FRMPD4: variants seen among roughly 807,000 people sequenced by gnomAD.
FRMPD4 encodes the protein FERM and PDZ domain-containing protein 4.
In FRMPD4, 22 loss-of-function variants were observed where a neutral mutation model predicts 94.1. The ratio of observed to expected loss-of-function variants is 0.23; its 90% CI spans 0.17 to 0.33. FRMPD4 has a LOEUF of 0.33. FRMPD4 is among the 10% of genes least tolerant of loss of function. FRMPD4 has a pLI of 1.00. For synonymous variants in FRMPD4, 631 were observed against 548.6 expected (o/e 1.15, Z -2.10); for missense variants, 1,111 against 1,339.9 (o/e 0.83, Z 2.67).
At chrX:12,415,832 T>A (rs1467584585) in intron 1 of FRMPD4, among the ~76,000 whole-genome samples, 1 of 112,441 alleles carries the variant, frequency 8.9e-6, no homozygotes, top group Admixed American at 9.4e-5. Flanking sequence ...CTTTGAAATA[T>A]GTTTCTAACA....
chrX:12,627,974 CA>C (rs1017983676), intron 4 of FRMPD4, among the ~76,000 whole-genome samples: 4 of 109,215 alleles, frequency 3.7e-5, no homozygotes, highest in South Asian at 7.8e-4. Flanking sequence ...GATGAAAAGA[CA>C]AAAAAAAATC....
intron 1 of FRMPD4, among the ~76,000 whole-genome samples, chrX:12,442,357 G>A (rs1268118312): frequency 9.0e-6 from 1 of 110,734 alleles, no homozygotes; most frequent in Admixed American, 9.7e-5. Context: ...AGACAAGGTG[G>A]TCTTAGGTGA....
chrX:12,401,122 G>A (rs979712641), intron 1 of FRMPD4, among the ~76,000 whole-genome samples: 2 of 111,320 alleles, frequency 1.8e-5, no homozygotes, highest in African/African-American at 6.5e-5. Context: ...TTATTATTGA[G>A]GGAAAAAGTG....
chrX:12,675,382 G>A (rs1340232699), intron 5 of FRMPD4, among the ~76,000 whole-genome samples: 1 of 105,837 alleles, frequency 9.4e-6, no homozygotes, highest in East Asian at 3.1e-4. Context: ...TCATGGTTAG[G>A]AGGGTGGAAA....
intron 3 of FRMPD4, among the ~76,000 whole-genome samples, chrX:12,109,118 A>G (rs763450415): frequency 2.0e-4 from 22 of 112,059 alleles, no homozygotes; most frequent in African/African-American, 4.9e-4. Context: ...AACAGAATAT[A>G]TATTCCTCTC....
At chrX:12,323,672 G>A (rs1170685085) in intron 1 of FRMPD4, among the ~76,000 whole-genome samples, 1 of 111,525 alleles carries the variant, frequency 9.0e-6, no homozygotes, top group Non-Finnish European at 1.9e-5. Context: ...TTAAAGATAT[G>A]CTCAGGAAGA....
chrX:11,902,751 C>CGAAATG (rs2053945266), intron 3 of FRMPD4, among the ~76,000 whole-genome samples: 2 of 110,919 alleles, frequency 1.8e-5, no homozygotes, highest in African/African-American at 6.6e-5. Context: ...AGAATGGAAT[C>CGAAATG]GAAATGGAAA....
At chrX:12,151,291 A>G (rs1208294829) in intron 1 of FRMPD4, among the ~76,000 whole-genome samples, 1 of 111,877 alleles carries the variant, frequency 8.9e-6, no homozygotes, top group African/African-American at 3.2e-5. Flanking sequence ...ACAAAAAATA[A>G]CATTACTTAA....
At chrX:11,917,279 T>C (rs1004565603) in intron 3 of FRMPD4, among the ~76,000 whole-genome samples, 19 of 112,123 alleles carry the variant, frequency 1.7e-4, no homozygotes, top group African/African-American at 5.8e-4. Context: ...GGAGTACTTA[T>C]ACACTGATGG....
chrX:12,428,434 A>G (rs1044889768), intron 1 of FRMPD4, among the ~76,000 whole-genome samples: 2 of 111,579 alleles, frequency 1.8e-5, no homozygotes, highest in Admixed American at 1.9e-4. Flanking sequence ...CAGAAAATTG[A>G]TCAGTTTATA....
intron 3 of FRMPD4, among the ~76,000 whole-genome samples, chrX:12,090,391 T>A (rs2092770039): frequency 9.0e-6 from 1 of 110,515 alleles, no homozygotes; most frequent in South Asian, 3.9e-4. Flanking sequence ...GCCAAACAGA[T>A]GCCAGCATCA....
chrX:12,097,865 G>A (rs1366063544), intron 3 of FRMPD4, among the ~76,000 whole-genome samples: 1 of 112,480 alleles, frequency 8.9e-6, no homozygotes, highest in Non-Finnish European at 1.9e-5. Flanking sequence ...GCTATTATGA[G>A]TAATGCTGTT....
chrX:11,833,547 C>T (rs2147274281), intron 1 of FRMPD4, among the ~76,000 whole-genome samples: 1 of 111,519 alleles, frequency 9.0e-6, no homozygotes, highest in Admixed American at 9.5e-5. Flanking sequence ...TTTTGAATGC[C>T]CCCCAAAATG....
intron 3 of FRMPD4, among the ~76,000 whole-genome samples, chrX:11,900,841 A>G (rs1265550336): frequency 9.0e-6 from 1 of 111,091 alleles, no homozygotes; most frequent in African/African-American, 3.3e-5. Flanking sequence ...TTAACACCAC[A>G]TAAAGAGCTT....
intron 3 of FRMPD4, among the ~76,000 whole-genome samples, chrX:11,899,972 A>G (rs1159051346): frequency 8.9e-6 from 1 of 112,136 alleles, no homozygotes; most frequent in African/African-American, 3.2e-5. Context: ...GTCGCTCTAC[A>G]CAGTTGACCT....
At chrX:12,401,718 A>G (rs1400915738) in intron 1 of FRMPD4, among the ~76,000 whole-genome samples, 1 of 112,245 alleles carries the variant, frequency 8.9e-6, no homozygotes, top group Admixed American at 9.5e-5. Context: ...TTTCAGAGAC[A>G]TAATAATAAT....
At chrX:12,007,292 T>A (rs1424745664) in intron 3 of FRMPD4, among the ~76,000 whole-genome samples, 1 of 112,189 alleles carries the variant, frequency 8.9e-6, no homozygotes, top group Non-Finnish European at 1.9e-5. Flanking sequence ...CGTTTTTAGC[T>A]TCAGCAGAAC....
intron 1 of FRMPD4, among the ~76,000 whole-genome samples, chrX:12,263,511 G>C (rs1237337342): frequency 2.7e-5 from 3 of 111,866 alleles, no homozygotes; most frequent in Non-Finnish European, 5.6e-5. Flanking sequence ...GCATTGGTGT[G>C]ACATGAGCTA....
chrX:12,478,693 T>C (rs1212818012), intron 1 of FRMPD4, among the ~76,000 whole-genome samples: 1 of 112,349 alleles, frequency 8.9e-6, no homozygotes, highest in East Asian at 2.8e-4. Flanking sequence ...AGACACAAGA[T>C]TTGAATTAGA....
Sources: gnomAD v4.1 joint callset for allele counts (sites outside exome capture counted in the v4.1 genomes callset) on GRCh38, gnomAD v4.1.1 for gene constraint, MANE v1.5 for transcripts, NCBI Gene and HGNC (gene_info 2026-07-23, HGNC 2026-07-21) for gene names.